The following KIAA1217 variants were observed in gnomAD, a reference collection of about 807,000 sequenced individuals.
KIAA1217 encodes the protein sickle tail protein homolog.
A neutral mutation model predicts 163.9 loss-of-function variants in KIAA1217; 88 were observed. The observed-to-expected ratio is 0.54, with a 90% confidence interval of 0.45 to 0.64. The LOEUF is 0.64. KIAA1217 is among the 30% of genes least tolerant of loss of function. The probability of loss-of-function intolerance (pLI) is 0.00; values close to 1 mark genes in which losing one functional copy is unlikely to be tolerated. For missense variants in KIAA1217, 2,372 were observed against 2,475.0 expected (o/e 0.96, Z 0.88); for synonymous variants, 903 against 923.1 (o/e 0.98, Z 0.39).
At chr10:24,531,219 A>T (rs750368141) in intron 14 of KIAA1217, among the ~76,000 whole-genome samples, 7 of 152,122 alleles carry the variant, frequency 4.6e-5, no homozygotes, top group African/African-American at 1.2e-4. Flanking sequence ...AAAAAAAATT[A>T]AAAAATTTGT....
intron 1 of KIAA1217, among the ~76,000 whole-genome samples, chr10:23,952,034 C>T (rs1434731543): frequency 1.3e-5 from 2 of 152,182 alleles, no homozygotes; most frequent in African/African-American, 4.8e-5. Context: ...AATTCACCCG[C>T]CTTCCCGAAA....
At chr10:24,512,347 C>G (rs912039137) in intron 9 of KIAA1217, among the ~76,000 whole-genome samples, 7 of 152,142 alleles carry the variant, frequency 4.6e-5, no homozygotes, top group Non-Finnish European at 7.3e-5. Flanking sequence ...GGATAATATA[C>G]TAGGCATAAT....
At chr10:23,886,133 A>G (rs1841161508) in intron 1 of KIAA1217, among the ~76,000 whole-genome samples, 1 of 151,868 alleles carries the variant, frequency 6.6e-6, no homozygotes, top group African/African-American at 2.4e-5. Context: ...TAGACGAATC[A>G]TTATTCTGAT....
chr10:23,894,479 G>T (rs1439328607), intron 1 of KIAA1217, among the ~76,000 whole-genome samples: 82 of 145,012 alleles, frequency 5.7e-4, no homozygotes, highest in East Asian at 4.8e-3. Context: ...CACTGCTCAA[G>T]GAAATAAAAG....
At chr10:24,530,125 C>A (rs781363238) in intron 14 of KIAA1217, among the ~76,000 whole-genome samples, 1 of 152,078 alleles carries the variant, frequency 6.6e-6, no homozygotes, top group Non-Finnish European at 1.5e-5. Context: ...TAATTCTGTT[C>A]TCTCTGCCCC....
At chr10:24,154,580 A>G (rs916887094) in intron 2 of KIAA1217, among the ~76,000 whole-genome samples, 7 of 152,288 alleles carry the variant, frequency 4.6e-5, no homozygotes, top group Middle Eastern at 3.4e-3. Flanking sequence ...AGAGATAGAA[A>G]GTAGAGAGGA....
At chr10:24,462,372 A>G (rs950153574) in intron 5 of KIAA1217, among the ~76,000 whole-genome samples, 1 of 152,170 alleles carries the variant, frequency 6.6e-6, no homozygotes, top group Admixed American at 6.5e-5. Context: ...TTCTCAACAG[A>G]CTTGTTCATG....
chr10:23,740,531 T>A (rs111627314), intron 1 of KIAA1217, among the ~76,000 whole-genome samples: 1,646 of 152,200 alleles, frequency 0.011, 6 homozygotes, highest in Non-Finnish European at 0.018. Context: ...GTGAATTTTT[T>A]AAAATTTTTG....
intron 1 of KIAA1217, among the ~76,000 whole-genome samples, chr10:23,886,641 AAC>A (rs1352758318): frequency 6.6e-6 from 1 of 151,990 alleles, no homozygotes; most frequent in East Asian, 1.9e-4. Flanking sequence ...GAACAGGAGA[AAC>A]ACAAACTTCA....
intron 1 of KIAA1217, among the ~76,000 whole-genome samples, chr10:23,873,886 A>G (rs973920311): frequency 6.6e-6 from 1 of 152,042 alleles, no homozygotes; most frequent in Non-Finnish European, 1.5e-5. Flanking sequence ...AACAAAGCCC[A>G]ATTCAGATGG....
At chr10:24,428,060 C>T (rs1315670900) in intron 3 of KIAA1217, among the ~76,000 whole-genome samples, 1 of 151,974 alleles carries the variant, frequency 6.6e-6, no homozygotes, top group Non-Finnish European at 1.5e-5. Flanking sequence ...ATTTTTTTTC[C>T]TGCTCCAGAG....
At chr10:24,101,397 T>C (rs1403967352) in intron 2 of KIAA1217, among the ~76,000 whole-genome samples, 1 of 152,168 alleles carries the variant, frequency 6.6e-6, no homozygotes, top group Admixed American at 6.6e-5. Context: ...CTAAAATTTG[T>C]TTTTAAGTAT....
chr10:23,948,466 T>C lies in KIAA1217; in HGVS notation c.-320-58759T>C, dbSNP rs185565656. Among the ~76,000 whole-genome samples the C allele has an allele frequency of 1.4e-3, 207 of 152,332 alleles. 2 individuals are homozygous for C. The highest frequency in any genetic ancestry group is 4.0e-3 in the Admixed American group (61 of 15,300). On this transcript the variant is annotated intron_variant, in intron 1 of 18. Coordinates refer to the KIAA1217 transcript ENST00000376462. ...TGCCAGTAACTGCCACTTTGTTAAC[T>C]ACATACCTTGGAATGATGCTAGATT...
chr10:24,542,395 G>T, intron 17 of KIAA1217: 3 of 558,314 alleles, frequency 5.4e-6, no homozygotes, highest in Non-Finnish European at 8.3e-6. Context: ...ATGTTGAAAA[G>T]AGGACATGTT....
At chr10:24,445,001 G>A (rs888073055) in intron 5 of KIAA1217, among the ~76,000 whole-genome samples, 2 of 152,110 alleles carry the variant, frequency 1.3e-5, no homozygotes, top group African/African-American at 4.8e-5. Context: ...ATTTCTTGGT[G>A]CAATCTATCA....
chr10:24,353,021 C>G (rs1337306750), intron 2 of KIAA1217, among the ~76,000 whole-genome samples: 1 of 151,928 alleles, frequency 6.6e-6, no homozygotes, highest in Non-Finnish European at 1.5e-5. Flanking sequence ...TAGAATGACC[C>G]CACATCCCTC....
rs141343728 is a variant in KIAA1217 at position 24,543,815 on chromosome 10, A to C, written c.4545A>C (p.Gln1515His). 249 of 1,614,072 alleles carry C rather than the reference A, an allele frequency of 1.5e-4. 1 individual carries two copies. The Middle Eastern group carries it at 6.6e-3, about 43-fold the overall frequency. Residue 1515 changes from glutamine (Q) to histidine (H), a missense_variant, in exon 19 of 21, where the codon CAA becomes CAC. Transcript: ENST00000376454. ...CCCCAGGCAATCTTAGAACCGGACA[A>C]CAGGTGGAAACAAAGTCACAGCCAC... ...KVAPGNLRTG[Q>H]QVETKSQPHS...
intron 2 of KIAA1217, among the ~76,000 whole-genome samples, chr10:24,337,518 T>C (rs895027113): frequency 5.9e-5 from 9 of 152,364 alleles, no homozygotes; most frequent in East Asian, 5.8e-4. Context: ...CATGAGAATA[T>C]GACAGATCGC....
intron 2 of KIAA1217, among the ~76,000 whole-genome samples, chr10:24,236,230 TTTCTC>T (rs1409056447): frequency 6.6e-6 from 1 of 152,166 alleles, no homozygotes; most frequent in Non-Finnish European, 1.5e-5. Flanking sequence ...TCATATTTCT[TTTCTC>T]TTTTCTTTTC....
Sources: allele counts gnomAD v4.1 joint callset (sites outside exome capture counted in the v4.1 genomes callset), GRCh38; gene constraint gnomAD v4.1.1; transcripts MANE v1.5; gene names NCBI Gene and HGNC (gene_info 2026-07-23, HGNC 2026-07-21).